The following PCNX2 variants were observed in gnomAD, a reference collection of about 807,000 sequenced individuals.
PCNX2 encodes the protein pecanex 2, also known as pecanex-like protein 2.
In PCNX2, 168 loss-of-function variants were observed where a neutral mutation model predicts 223.8. The ratio of observed to expected loss-of-function variants is 0.75; its 90% CI spans 0.66 to 0.85. PCNX2 has a LOEUF of 0.85. Among genes scored for constraint, PCNX2 ranks in the 40% least tolerant of loss-of-function variants. The pLI is 0.00. For synonymous variants in PCNX2, 1,006 were observed against 1,052.6 expected, an observed-to-expected ratio of 0.96 and a Z score of 0.86; for missense variants, 2,507 against 2,675.5, an observed-to-expected ratio of 0.94 and a Z score of 1.39.
chr1:233,140,573 G>A (rs1398085179), intron 19 of PCNX2, among the ~76,000 whole-genome samples: 1 of 152,194 alleles, frequency 6.6e-6, no homozygotes, highest in Non-Finnish European at 1.5e-5. Context: ...GTCTGCTGAT[G>A]GGGAAGAGGT....
In PCNX2 at chr1:233,081,994, T is replaced by TTGTGTG. The variant is rs57675075; in HGVS notation, c.4076+8061_4076+8066dup. ...GCATTAACTGGCATTCTGTGTGTGT[T>TTGTGTG]TGTGTGTGTGTGTGTGTGTGTGTGT... On this transcript the variant is annotated intron_variant, in intron 23 of 33. Transcript: ENST00000258229. Among the ~76,000 whole-genome samples, 454 of 148,380 alleles carry TTGTGTG rather than the reference T, an allele frequency of 3.1e-3. 2 individuals are homozygous for TTGTGTG. The highest frequency in any genetic ancestry group is 0.01 in the African/African-American group (425 of 40,570).
rs770648951 is a variant in PCNX2, at chr1:233,258,664, C to T, written c.1198G>A (p.Gly400Ser). ...LESSLHLRVV[G>S]TEKTSVKSDA... Reference sequence around the variant, plus strand: ...GACTTTACACTGGTCTTCTCTGTGCCAACCACCCTCAGGTGGAGGGAGCTT... The same window carrying T: ...GACTTTACACTGGTCTTCTCTGTGCTAACCACCCTCAGGTGGAGGGAGCTT... The change falls in exon 5 of 34, where the codon GGC becomes AGC. Residue 400 changes from glycine to serine, a missense_variant. By Grantham distance (56) the Gly-to-Ser change is moderately conservative (BLOSUM62 0). Around this residue, in one of 3 missense-constraint regions of PCNX2, gnomAD observed 1,031 missense variants for 1,021.7 expected, o/e 1.01. Transcript: ENST00000258229. 1 of 1,614,004 alleles carries T rather than the reference C, an allele frequency of 6.2e-7. No individual in the cohort carries two copies. The highest frequency in any genetic ancestry group is 2.2e-5 in the East Asian group (1 of 44,874).
intron 10 of PCNX2, among the ~76,000 whole-genome samples, chr1:233,221,207 G>A (rs760461285): frequency 2.0e-5 from 3 of 151,522 alleles, no homozygotes; most frequent in Non-Finnish European, 4.4e-5. Context: ...TTTTTTAATC[G>A]GGGGAAACCA....
intron 15 of PCNX2, among the ~76,000 whole-genome samples, chr1:233,180,413 A>C (rs943126823): frequency 2.0e-5 from 3 of 152,202 alleles, no homozygotes; most frequent in Non-Finnish European, 2.9e-5. Context: ...TCATACACCA[A>C]GAAGAAAACA....
intron 8 of PCNX2, among the ~76,000 whole-genome samples, chr1:233,238,964 T>C (rs1158402127): frequency 6.6e-6 from 1 of 152,180 alleles, no homozygotes; most frequent in Non-Finnish European, 1.5e-5. Flanking sequence ...AAAAGATTAG[T>C]TAGATTTATA....
At chr1:233,144,957 T>G (rs71577282) in intron 19 of PCNX2, among the ~76,000 whole-genome samples, 36,753 of 142,676 alleles carry the variant, frequency 0.26, 5,447 homozygotes, top group African/African-American at 0.43. Context: ...TGTTTTGTTT[T>G]TTTTTTTTGT....
intron 21 of PCNX2, among the ~76,000 whole-genome samples, chr1:233,131,484 T>C (rs1325551076): frequency 6.6e-6 from 1 of 152,230 alleles, no homozygotes; most frequent in African/African-American, 2.4e-5. Context: ...CTTCTTGATA[T>C]AATCATCTTC....
chr1:233,141,462 T>G (rs970591894), intron 19 of PCNX2, among the ~76,000 whole-genome samples: 2 of 151,910 alleles, frequency 1.3e-5, no homozygotes, highest in African/African-American at 4.8e-5. Context: ...AGGTCAGGAG[T>G]TGGAGACCAG....
intron 1 of PCNX2, among the ~76,000 whole-genome samples, chr1:233,269,618 A>G (rs1660525156): frequency 6.6e-6 from 1 of 152,210 alleles, no homozygotes; most frequent in African/African-American, 2.4e-5. Flanking sequence ...TATCCCATCA[A>G]TGTGGTTAAA....
intron 25 of PCNX2, among the ~76,000 whole-genome samples, chr1:233,037,929 ATG>A (rs990689314): frequency 2.0e-5 from 3 of 152,200 alleles, no homozygotes; most frequent in African/African-American, 7.2e-5. Context: ...CTATGTATTT[ATG>A]TGACACTTAT....
chr1:233,218,444 G>A (rs775202809), intron 10 of PCNX2, among the ~76,000 whole-genome samples: 2 of 151,776 alleles, frequency 1.3e-5, no homozygotes, highest in South Asian at 2.1e-4. Context: ...TAGAGATGGG[G>A]TTTCACAATG....
At chr1:233,021,572 T>C (rs2102827627) in intron 26 of PCNX2, among the ~76,000 whole-genome samples, 1 of 152,282 alleles carries the variant, frequency 6.6e-6, no homozygotes, top group African/African-American at 2.4e-5. Flanking sequence ...TGGGAATGTG[T>C]AGTTAACTAG....
rs371047042 is a variant in PCNX2 at position 233,123,513 on chromosome 1, C to T, written c.3837+11500G>A. Among the ~76,000 whole-genome samples the T allele has an allele frequency of 3.8e-4, 58 of 151,676 alleles. No homozygotes were observed. The South Asian group carries it at 0.011, about 28-fold the overall frequency. The stretch of plus-strand genomic sequence containing the variant: ...AGGAGAATCACTTGAACCCAGGAGG[C>T]GGATGTTGCAGTGAGCCAAGATTGT... On this transcript the variant is annotated intron_variant, in intron 21 of 33. Transcript: ENST00000258229.
intron 10 of PCNX2, among the ~76,000 whole-genome samples, chr1:233,219,534 A>G (rs1657241537): frequency 6.6e-6 from 1 of 152,040 alleles, no homozygotes; most frequent in African/African-American, 2.4e-5. Flanking sequence ...TTTTGCTCAT[A>G]TACCTGTTTT....
intron 25 of PCNX2, among the ~76,000 whole-genome samples, chr1:233,048,084 A>C (rs188012633): frequency 6.6e-6 from 1 of 152,208 alleles, no homozygotes; most frequent in Non-Finnish European, 1.5e-5. Context: ...CTTACATAGA[A>C]ATTAAACAAC....
intron 28 of PCNX2, among the ~76,000 whole-genome samples, chr1:233,004,796 C>T (rs993671241): frequency 4.6e-5 from 7 of 152,138 alleles, no homozygotes; most frequent in Non-Finnish European, 8.8e-5. Flanking sequence ...CTAGGACTCC[C>T]TTGAGAAAGA....
At chr1:233,311,067 C>A in the PCNX2 span, among the ~76,000 whole-genome samples, 1 of 152,214 alleles carries the variant, frequency 6.6e-6, no homozygotes, top group African/African-American at 2.4e-5. Context: ...CAGCCTGGGT[C>A]TCTGACTATG....
intron 28 of PCNX2, among the ~76,000 whole-genome samples, chr1:233,007,407 G>A (rs961112444): frequency 6.6e-6 from 1 of 152,090 alleles, no homozygotes; most frequent in Non-Finnish European, 1.5e-5. Flanking sequence ...AGATGGGTGG[G>A]AGCAAATACT....
chr1:233,263,172 AG>A lies in PCNX2; in HGVS notation c.154-10del, dbSNP rs66542898. 173,450 of 1,573,262 alleles carry A rather than the reference AG, an allele frequency of 0.11. 10,582 individuals carry two copies. Among genetic ancestry groups the A allele is most frequent in the South Asian group, 0.17 (14,792 of 86,150 alleles). Reference sequence around the variant, plus strand: ...GCATTTGGAGGAAAAGCCTGAAGAAAGGAAAAGACAGAGAAAAATCATTTGC... The same window carrying A: ...GCATTTGGAGGAAAAGCCTGAAGAAAGAAAAGACAGAGAAAAATCATTTGC... On this transcript the variant is annotated splice_polypyrimidine_tract_variant and intron_variant, in intron 1 of 33. Transcript: ENST00000258229.
Sources: gnomAD v4.1 joint callset for allele counts (sites outside exome capture counted in the v4.1 genomes callset) on GRCh38, gnomAD v4.1.1 for gene constraint, gnomAD v4.1.1 regional missense constraint, MANE v1.5 for transcripts, NCBI Gene and HGNC (gene_info 2026-07-23, HGNC 2026-07-21) for gene names.